SLC44A5: variants seen among roughly 807,000 people sequenced by gnomAD.
SLC44A5 encodes solute carrier family 44 member 5, also known as choline transporter-like protein 5.
SLC44A5 carries 57 observed loss-of-function variants against 101.8 expected under a neutral mutation model. The observed-to-expected ratio is 0.56, with a 90% CI of 0.45 to 0.70. The LOEUF (loss-of-function observed/expected upper bound fraction) is 0.70. SLC44A5 is among the 30% of genes least tolerant of loss of function. SLC44A5 has a pLI of 0.00. For missense variants in SLC44A5, 737 were observed against 853.1 expected, an observed-to-expected ratio of 0.86 and a Z score of 1.70; for synonymous variants, 281 against 290.9, an observed-to-expected ratio of 0.97 and a Z score of 0.35.
intron 2 of SLC44A5, among the ~76,000 whole-genome samples, chr1:75,464,467 G>A (rs182807169): frequency 2.8e-4 from 43 of 151,926 alleles, no homozygotes; most frequent in Admixed American, 2.0e-3. Context: ...AGAGAAAATC[G>A]CCTTCATTAA....
intron 13 of SLC44A5, among the ~76,000 whole-genome samples, chr1:75,224,701 G>A (rs1212109262): frequency 6.6e-6 from 1 of 151,774 alleles, no homozygotes. Flanking sequence ...CTCCCAAAGT[G>A]CTAGGATTAT....
chr1:75,680,242 C>T, the SLC44A5 span, among the ~76,000 whole-genome samples: 1 of 151,684 alleles, frequency 6.6e-6, no homozygotes, highest in Non-Finnish European at 1.5e-5. Flanking sequence ...GAATTGAACT[C>T]AGCTCTGCAC....
intron 3 of SLC44A5, among the ~76,000 whole-genome samples, chr1:75,341,877 C>T (rs1657911891): frequency 6.6e-6 from 1 of 152,144 alleles, no homozygotes; most frequent in African/African-American, 2.4e-5. Flanking sequence ...CAACAATCCC[C>T]CATATCAAAT....
At chr1:75,348,695 C>A (rs1658426859) in intron 3 of SLC44A5, among the ~76,000 whole-genome samples, 1 of 152,086 alleles carries the variant, frequency 6.6e-6, no homozygotes, top group Admixed American at 6.6e-5. Flanking sequence ...AAAAAAGCTA[C>A]ATCAGGAAAC....
At chr1:75,652,053 G>T in the SLC44A5 span, among the ~76,000 whole-genome samples, 1 of 152,108 alleles carries the variant, frequency 6.6e-6, no homozygotes. Context: ...CAAAATGGTG[G>T]AGTTTAACTG....
intron 1 of SLC44A5, among the ~76,000 whole-genome samples, chr1:75,608,425 T>C (rs541947064): frequency 1.3e-5 from 2 of 151,894 alleles, no homozygotes; most frequent in South Asian, 4.2e-4. Flanking sequence ...TGCAAAAGAT[T>C]CCTTACTAGT....
intron 4 of SLC44A5, among the ~76,000 whole-genome samples, chr1:75,336,911 T>C (rs577347689): frequency 7.2e-5 from 11 of 152,330 alleles, no homozygotes; most frequent in Admixed American, 5.9e-4. Flanking sequence ...ACTCTGCTAC[T>C]ACTTTCCTGT....
At chr1:75,432,116 T>C (rs1664650534) in intron 2 of SLC44A5, among the ~76,000 whole-genome samples, 1 of 152,176 alleles carries the variant, frequency 6.6e-6, no homozygotes, top group South Asian at 2.1e-4. Flanking sequence ...TAAGTTATCT[T>C]GTCAACTTTG....
chr1:75,538,869 C>T (rs1217096399), intron 2 of SLC44A5, among the ~76,000 whole-genome samples: 3 of 152,172 alleles, frequency 2.0e-5, no homozygotes, highest in Non-Finnish European at 4.4e-5. Context: ...ATACATTGGC[C>T]TGGAGCTATT....
intron 1 of SLC44A5, among the ~76,000 whole-genome samples, chr1:75,553,998 G>T (rs951141861): frequency 1.3e-5 from 2 of 152,048 alleles, no homozygotes; most frequent in African/African-American, 4.8e-5. Flanking sequence ...CATAGAAATG[G>T]TCACCACAGC....
chr1:75,469,439 A>G (rs542329064), intron 2 of SLC44A5, among the ~76,000 whole-genome samples: 1 of 151,862 alleles, frequency 6.6e-6, no homozygotes, highest in South Asian at 2.1e-4. Context: ...TATAATTTAG[A>G]TGCAGATTTT....
chr1:75,502,404 C>A (rs1669009123), intron 2 of SLC44A5, among the ~76,000 whole-genome samples: 2 of 152,132 alleles, frequency 1.3e-5, no homozygotes, highest in Non-Finnish European at 2.9e-5. Flanking sequence ...TAGCCAGCAG[C>A]GTTTTACCTT....
At chr1:75,263,658 C>A (rs915471720) in intron 6 of SLC44A5, among the ~76,000 whole-genome samples, 3 of 152,098 alleles carry the variant, frequency 2.0e-5, no homozygotes, top group African/African-American at 7.2e-5. Context: ...ATAAATCATT[C>A]TACTATAAAG....
chr1:75,335,092 A>G (rs1407372944), intron 4 of SLC44A5, among the ~76,000 whole-genome samples: 1 of 152,188 alleles, frequency 6.6e-6, no homozygotes, highest in Non-Finnish European at 1.5e-5. Flanking sequence ...AATCAGCTCC[A>G]AATGCTTTAG....
At chr1:75,406,445 C>T (rs934717879) in intron 2 of SLC44A5, among the ~76,000 whole-genome samples, 2 of 152,080 alleles carry the variant, frequency 1.3e-5, no homozygotes, top group South Asian at 2.1e-4. Context: ...TGATGAACAT[C>T]GATGTGAAAA....
At chr1:75,312,107 G>A (rs1655350688) in intron 4 of SLC44A5, among the ~76,000 whole-genome samples, 2 of 152,132 alleles carry the variant, frequency 1.3e-5, no homozygotes, top group African/African-American at 4.8e-5. Context: ...AGTCTCATGA[G>A]ATCTGATGGT....
intron 5 of SLC44A5, among the ~76,000 whole-genome samples, 153 bp downstream of exon 5, chr1:75,300,459 G>A (rs1654364673): frequency 1.3e-5 from 2 of 152,068 alleles, no homozygotes; most frequent in Non-Finnish European, 2.9e-5. Flanking sequence ...TCTGCTACCC[G>A]ATAAATCCTG....
chr1:75,203,663 G>A lies in SLC44A5; in HGVS notation c.*64C>T. 6.7e-7 allele frequency: 1 copy of A among 1,492,720 alleles called. No individual in the cohort carries two copies. The highest frequency in any genetic ancestry group is 1.4e-5 in the African/African-American group (1 of 70,842). 92.5% of individuals were successfully genotyped at this position (1,492,720 alleles called of 1,614,324 possible). A position where few individuals can be genotyped will look rare whatever the true frequency, so the allele number is the denominator to read the frequency against. The stretch of plus-strand genomic sequence containing the variant: ...AACACAAAGCACTTATGAAACAAAT[G>A]TTGCACAGACACAGCAGATGGAGAA... On this transcript the variant is annotated 3_prime_UTR_variant, in exon 24 of 24. Transcript: ENST00000370859.
At chr1:75,369,915 A>G (rs1253410431) in intron 3 of SLC44A5, among the ~76,000 whole-genome samples, 1 of 152,238 alleles carries the variant, frequency 6.6e-6, no homozygotes, top group East Asian at 1.9e-4. Flanking sequence ...TACTGCTTAC[A>G]GCTCATCTTC....
Sources: allele counts gnomAD v4.1 joint callset (sites outside exome capture counted in the v4.1 genomes callset), GRCh38; gene constraint gnomAD v4.1.1; transcripts MANE v1.5; gene names NCBI Gene and HGNC (gene_info 2026-07-23, HGNC 2026-07-21).